DNMT1: variants seen among roughly 807,000 people sequenced by gnomAD.
The protein encoded by DNMT1 is DNA methyltransferase 1, also known as DNA (cytosine-5)-methyltransferase 1.
A neutral mutation model predicts 205.3 loss-of-function variants in DNMT1; 24 were observed. The observed-to-expected ratio is 0.12, with a 90% CI of 0.08 to 0.16. The LOEUF (loss-of-function observed/expected upper bound fraction) is 0.16, where lower values mean the gene tolerates loss of function less well. Ranked by LOEUF, DNMT1 falls within the 10% of genes least tolerant of loss-of-function variation. DNMT1 has a pLI of 1.00. For missense variants in DNMT1, 1,293 were observed against 2,177.7 expected (o/e 0.59, Z 8.09); for synonymous variants, 817 against 839.8 (o/e 0.97, Z 0.47).
intron 22 of DNMT1, among the ~76,000 whole-genome samples, chr19:10,152,421 G>C (rs2038367183): frequency 6.6e-6 from 1 of 151,092 alleles, no homozygotes; most frequent in African/African-American, 2.4e-5. Context: ...GAGTCCAAGA[G>C]TTCAAGACCA....
intron 13 of DNMT1, 75 bp downstream of exon 13, chr19:10,162,592 G>C: frequency 6.7e-7 from 1 of 1,488,060 alleles, no homozygotes; most frequent in Non-Finnish European, 9.1e-7. Flanking sequence ...AGACCAGCCT[G>C]GGCAACATGG....
chr19:10,176,452 C>T (rs2038940415), intron 6 of DNMT1, among the ~76,000 whole-genome samples: 1 of 152,190 alleles, frequency 6.6e-6, no homozygotes, highest in South Asian at 2.1e-4. Flanking sequence ...GTTTGCCACA[C>T]GGCTTGTTCA....
chr19:10,163,065 AG>A, intron 12 of DNMT1: 1 of 557,604 alleles, frequency 1.8e-6, no homozygotes, highest in East Asian at 3.1e-5. Context: ...CCTGGCTTCT[AG>A]CAGTTCTGCC....
chr19:10,151,828 C>T lies in DNMT1; in HGVS notation c.2039G>A (p.Cys680Tyr). 1 of 1,614,112 alleles carries T rather than the reference C, an allele frequency of 6.2e-7. No homozygotes were observed. Among genetic ancestry groups the T allele is most frequent in the Non-Finnish European group, 8.5e-7 (1 of 1,180,006 alleles). Reference sequence around the variant, plus strand: ...GTCCTTGCAGGCTTTACATTTCCCACACTCAGGCTGCTGACACACCTAAAA... The same window carrying T: ...GTCCTTGCAGGCTTTACATTTCCCATACTCAGGCTGCTGACACACCTAAAA... ...GVCEVCQQPE[C>Y]GKCKACKDMV... The change falls in exon 23 of 41, where the codon TGT (cysteine) becomes TAT (tyrosine). Residue 680 changes from cysteine (C) to tyrosine (Y), a missense_variant. By Grantham distance (194) the Cys-to-Tyr change is radical (BLOSUM62 -2). This residue lies in a region of DNMT1 where 197 missense variants were observed against 353.6 expected (regional missense o/e 0.56). Transcript: ENST00000359526. The surrounding 1 kb of genome is among the most constrained non-coding windows in gnomAD (Gnocchi z 5.0).
intron 12 of DNMT1, 139 bp downstream of exon 12, chr19:10,163,187 G>C (rs1460585499): frequency 4.3e-6 from 4 of 936,778 alleles, no homozygotes; most frequent in African/African-American, 1.6e-5. Context: ...GGCTGGTCTC[G>C]AACTCCTGAC....
chr19:10,186,833 C>T lies in DNMT1; in HGVS notation c.81-4756G>A, dbSNP rs1295246537. Among the ~76,000 whole-genome samples, 4 of 92,870 alleles carry T rather than the reference C, an allele frequency of 4.3e-5. No individual in the cohort carries two copies. In the East Asian group the frequency reaches 2.4e-3, roughly 56 times the overall value. The allele number at this position is 92,870 out of a possible 152,430, so 60.9% of individuals were successfully genotyped here. ...AGCCTGGACAACAAGAGTGAAACTC[C>T]GTCTCAAAAAAAAAAAAAAAAAAAA... On this transcript the variant is annotated intron_variant, in intron 1 of 40. Coordinates refer to ENST00000359526, the MANE Select transcript of DNMT1 (RefSeq NM_001130823.3).
At chr19:10,158,307 T>C (rs1178932868) in intron 17 of DNMT1, among the ~76,000 whole-genome samples, 1 of 152,086 alleles carries the variant, frequency 6.6e-6, no homozygotes, top group Admixed American at 6.5e-5. Flanking sequence ...CGGTTGCTGG[T>C]GGACGCAACA....
At chr19:10,149,343 A>G in intron 26 of DNMT1, 110 bp downstream of exon 26, 1 of 1,257,816 alleles carries the variant, frequency 8.0e-7, no homozygotes, top group Non-Finnish European at 1.1e-6. Context: ...AAAAAAAAAC[A>G]AAAAAAAAAC....
At chr19:10,164,871 T>A (rs1267250422) in intron 11 of DNMT1, among the ~76,000 whole-genome samples, 1 of 123,386 alleles carries the variant, frequency 8.1e-6, no homozygotes, top group African/African-American at 3.2e-5. Context: ...GAGGTTGCAG[T>A]GACTCGAGAT....
chr19:10,170,511 G>T (rs1367858451), intron 9 of DNMT1, among the ~76,000 whole-genome samples: 1 of 152,118 alleles, frequency 6.6e-6, no homozygotes, highest in Non-Finnish European at 1.5e-5. Flanking sequence ...GGGCGTGGTA[G>T]CGGAAGCCTG....
chr19:10,169,627 G>T (rs1322398508), intron 9 of DNMT1, among the ~76,000 whole-genome samples: 1 of 151,870 alleles, frequency 6.6e-6, no homozygotes, highest in South Asian at 2.1e-4. Flanking sequence ...TTAGCCTGGC[G>T]TGGTAGCAGG....
chr19:10,146,314 A>G lies in DNMT1; in HGVS notation c.2894+37T>C, dbSNP rs772508990. 6.8e-6 allele frequency: 11 copies of G among 1,610,588 alleles called. No homozygotes were observed. The highest frequency in any genetic ancestry group is 2.5e-6 in the Non-Finnish European group (3 of 1,178,730). Reference sequence around the variant, plus strand: ...ACAAAGCCAGCCTGGCTCAGCCTGGAGCGCCCTGGCCCCGGCTGCTCCGAG... The same window carrying G: ...ACAAAGCCAGCCTGGCTCAGCCTGGGGCGCCCTGGCCCCGGCTGCTCCGAG... On this transcript the variant is annotated intron_variant, in intron 28 of 40. Coordinates refer to ENST00000359526, the MANE Select transcript of DNMT1 (RefSeq NM_001130823.3). This position sits in a 1 kb window ranked among gnomAD's most constrained non-coding sequence, Gnocchi z 4.4.
At chr19:10,163,133 T>G (rs2038614736) in intron 12 of DNMT1, 193 bp downstream of exon 12, 5 of 674,006 alleles carry the variant, frequency 7.4e-6, no homozygotes, top group Non-Finnish European at 1.3e-5. Flanking sequence ...AGCTAATTTT[T>G]GTATTTTTAG....
chr19:10,177,251 G>T, intron 6 of DNMT1, 41 bp downstream of exon 6: 3 of 1,587,402 alleles, frequency 1.9e-6, no homozygotes, highest in Non-Finnish European at 2.6e-6. Flanking sequence ...CAAAACAGCC[G>T]GCCCCTAAAA....
intron 27 of DNMT1, among the ~76,000 whole-genome samples, chr19:10,148,486 A>C (rs1039313991): frequency 8.1e-5 from 12 of 148,298 alleles, no homozygotes; most frequent in African/African-American, 1.2e-4. Flanking sequence ...ACAGAGCGAG[A>C]CTCCGTCTCA....
At chr19:10,174,926 G>A (rs10412016) in intron 7 of DNMT1, among the ~76,000 whole-genome samples, 2,309 of 150,614 alleles carry the variant, frequency 0.015, 64 homozygotes, top group African/African-American at 0.054. Flanking sequence ...GTGGTGGCAC[G>A]CGCCTGTAGT....
At chr19:10,190,738 C>G (rs1483633900) in intron 1 of DNMT1, among the ~76,000 whole-genome samples, 1 of 150,838 alleles carries the variant, frequency 6.6e-6, no homozygotes, top group Non-Finnish European at 1.5e-5. Flanking sequence ...GCACTCCAGC[C>G]TGGGCGACAG....
At position 10,159,153 on chromosome 19, in the gene DNMT1, G is replaced by A. The variant is rs958509232; in HGVS notation, c.1280+505C>T. On this transcript the variant is annotated intron_variant, in intron 17 of 40. Coordinates refer to ENST00000359526, the MANE Select transcript of DNMT1 (RefSeq NM_001130823.3). This position sits in a 1 kb window ranked among gnomAD's most constrained non-coding sequence, Gnocchi z 5.0. The stretch of plus-strand genomic sequence containing the variant: ...TGTGGGCAGAATGGAGGGGTAATAT[G>A]TGTAGTGTAAAAACCCAAAAACCAA... Among the ~76,000 whole-genome samples the A allele has an allele frequency of 1.3e-5, 2 of 152,146 alleles. No individual in the cohort carries two copies. The highest frequency in any genetic ancestry group is 2.9e-5 in the Non-Finnish European group (2 of 68,038).
chr19:10,153,624 G>C (rs1427550037), intron 22 of DNMT1, among the ~76,000 whole-genome samples: 1 of 147,592 alleles, frequency 6.8e-6, no homozygotes. Flanking sequence ...GTGACAGAGA[G>C]AGACTGTCTC....
Sources: gnomAD v4.1 joint callset for allele counts (sites outside exome capture counted in the v4.1 genomes callset) on GRCh38, gnomAD v4.1.1 for gene constraint, gnomAD v4.1.1 regional missense constraint, Gnocchi (gnomAD v3.1) non-coding constraint, MANE v1.5 for transcripts, NCBI Gene and HGNC (gene_info 2026-07-23, HGNC 2026-07-21) for gene names.